Variants in LRRC37A2 observed in about 807,000 individuals in gnomAD.
LRRC37A2 encodes the protein leucine-rich repeat-containing protein 37A2.
In LRRC37A2, 9 loss-of-function variants were observed where a neutral mutation model predicts 68.8. That is an observed-to-expected ratio of 0.13 (90% CI 0.08 to 0.23). The LOEUF is 0.23. Ranked by LOEUF, LRRC37A2 falls within the 10% of genes least tolerant of loss-of-function variation. The pLI is 1.00. For synonymous variants in LRRC37A2, 63 were observed against 367.6 expected, an observed-to-expected ratio of 0.17 and a Z score of 9.48; for missense variants, 168 against 950.4, an observed-to-expected ratio of 0.18 and a Z score of 10.82.
At chr17:46,521,127 GC>G (rs2052225107) in intron 4 of LRRC37A2, among the ~76,000 whole-genome samples, 1 of 74,542 alleles carries the variant, frequency 1.3e-5, no homozygotes, top group African/African-American at 4.1e-5. Flanking sequence ...AATAACGATC[GC>G]CCCAGCCCTG....
At chr17:46,863,779 CT>C in the LRRC37A2 span, among the ~76,000 whole-genome samples, 1 of 152,144 alleles carries the variant, frequency 6.6e-6, no homozygotes, top group African/African-American at 2.4e-5. Context: ...GGAGGGTCCC[CT>C]TTCTCCAGCC....
chr17:47,013,396 A>T, the LRRC37A2 span, among the ~76,000 whole-genome samples: 1 of 152,260 alleles, frequency 6.6e-6, no homozygotes, highest in Non-Finnish European at 1.5e-5. Flanking sequence ...ATTGTCCAAG[A>T]TCTGGCCAGT....
At chr17:47,014,157 C>G in the LRRC37A2 span, among the ~76,000 whole-genome samples, 1 of 151,366 alleles carries the variant, frequency 6.6e-6, no homozygotes, top group South Asian at 2.1e-4. Context: ...TTTGGGAGGC[C>G]AAGGTGGGCG....
At chr17:46,939,342 C>G in the LRRC37A2 span, 3 of 1,009,546 alleles carry the variant, frequency 3.0e-6, no homozygotes, top group Non-Finnish European at 3.6e-6. Flanking sequence ...CTAGGGGAAA[C>G]AAGATGTAGT....
At chr17:46,823,431 G>A in the LRRC37A2 span, among the ~76,000 whole-genome samples, 3 of 150,856 alleles carry the variant, frequency 2.0e-5, no homozygotes. Flanking sequence ...GGCCAGGCTG[G>A]TCTCGAACTC....
At chr17:46,929,545 A>T in the LRRC37A2 span, 4 of 1,570,192 alleles carry the variant, frequency 2.5e-6, no homozygotes, top group South Asian at 4.4e-5. Flanking sequence ...CCAGTCTTGC[A>T]TGGGACGCCT....
chr17:46,793,007 G>A, the LRRC37A2 span, among the ~76,000 whole-genome samples: 2 of 151,776 alleles, frequency 1.3e-5, no homozygotes, highest in East Asian at 1.9e-4. Flanking sequence ...GCTCACACCT[G>A]TAAACCCGGC....
At chr17:46,896,392 G>GAA in the LRRC37A2 span, among the ~76,000 whole-genome samples, 18 of 88,854 alleles carry the variant, frequency 2.0e-4, no homozygotes, top group East Asian at 1.4e-3. Flanking sequence ...AAGAAAGAAA[G>GAA]AGAAAGAAAG....
the LRRC37A2 span, among the ~76,000 whole-genome samples, chr17:46,754,661 GACCTGAACGAAGC>G: frequency 6.6e-6 from 1 of 152,146 alleles, no homozygotes; most frequent in South Asian, 2.1e-4. Context: ...TAATAATAAC[GACCTGAACGAAGC>G]ACCTGAAACA....
At chr17:47,035,426 C>T in the LRRC37A2 span, among the ~76,000 whole-genome samples, 2 of 152,062 alleles carry the variant, frequency 1.3e-5, no homozygotes, top group African/African-American at 2.4e-5. Context: ...CAGTATGTGG[C>T]CTTTTGTGTC....
At chr17:46,978,375 T>G in the LRRC37A2 span, 1 of 413,144 alleles carries the variant, frequency 2.4e-6, no homozygotes, top group Non-Finnish European at 4.1e-6. Flanking sequence ...GCCCCGAACG[T>G]CTTAAAAAAC....
At chr17:46,707,930 G>A in the LRRC37A2 span, among the ~76,000 whole-genome samples, 1 of 151,930 alleles carries the variant, frequency 6.6e-6, no homozygotes, top group Non-Finnish European at 1.5e-5. Flanking sequence ...CTACTCGGGA[G>A]GCTGAGACAT....
the LRRC37A2 span, among the ~76,000 whole-genome samples, chr17:46,847,849 G>A: frequency 6.6e-6 from 1 of 152,212 alleles, no homozygotes; most frequent in African/African-American, 2.4e-5. Flanking sequence ...TTCAGGCAGG[G>A]TGGGCTGGCC....
chr17:46,922,970 G>A, the LRRC37A2 span: 1 of 603,076 alleles, frequency 1.7e-6, no homozygotes. Context: ...TGCCCTTCAC[G>A]TGAAGCCGAG....
chr17:46,625,903 A>AAAAAAC, the LRRC37A2 span, among the ~76,000 whole-genome samples: 1 of 136,048 alleles, frequency 7.4e-6, no homozygotes, highest in Non-Finnish European at 1.5e-5. Context: ...AAAAAAAAAA[A>AAAAAAC]AGATACTGCT....
the LRRC37A2 span, chr17:46,768,659 C>T: frequency 1.9e-6 from 3 of 1,614,192 alleles, no homozygotes; most frequent in Non-Finnish European, 2.5e-6. The surrounding 1 kb of genome is among the most constrained non-coding windows in gnomAD (Gnocchi z 5.0). Context: ...CTACTACCAT[C>T]TCCGAGGCGC....
chr17:46,864,877 C>T, the LRRC37A2 span, among the ~76,000 whole-genome samples: 1 of 152,178 alleles, frequency 6.6e-6, no homozygotes, highest in Non-Finnish European at 1.5e-5. Context: ...GCACAGCCTC[C>T]AGGACACCTT....
chr17:46,492,689 G>T, the LRRC37A2 span, among the ~76,000 whole-genome samples: 951 of 107,852 alleles, frequency 8.8e-3, 39 homozygotes, highest in African/African-American at 0.034. Context: ...GTTTTGTTTT[G>T]TTTTTTTTTT....
chr17:46,503,234 C>T, the LRRC37A2 span, among the ~76,000 whole-genome samples: 3 of 134,296 alleles, frequency 2.2e-5, no homozygotes, highest in African/African-American at 8.6e-5. Flanking sequence ...AAATAGTCTT[C>T]ATTTCTCCTT....
Sources: allele counts gnomAD v4.1 joint callset (sites outside exome capture counted in the v4.1 genomes callset), GRCh38; gene constraint gnomAD v4.1.1; non-coding constraint Gnocchi (gnomAD v3.1); transcripts MANE v1.5; gene names NCBI Gene and HGNC (gene_info 2026-07-23, HGNC 2026-07-21).